The following GPHN variants were observed in gnomAD, a reference collection of about 807,000 sequenced individuals.
GPHN encodes gephyrin.
GPHN carries 17 observed loss-of-function variants against 95.5 expected under a neutral mutation model. That is an observed-to-expected ratio of 0.18 (90% CI 0.12 to 0.27). GPHN has a LOEUF of 0.27. GPHN is among the 10% of genes least tolerant of loss of function. GPHN has a pLI of 1.00. For synonymous variants in GPHN, 320 were observed against 322.5 expected (o/e 0.99, Z 0.08); for missense variants, 660 against 978.1 (o/e 0.67, Z 4.34).
At chr14:66,923,099 CT>C (rs1229204176) in intron 7 of GPHN, among the ~76,000 whole-genome samples, 161 bp downstream of exon 7, 1 of 152,138 alleles carries the variant, frequency 6.6e-6, no homozygotes, top group African/African-American at 2.4e-5. Flanking sequence ...ATGTTTCCTT[CT>C]TGATATAGAT....
intron 18 of GPHN, among the ~76,000 whole-genome samples, chr14:67,157,924 G>C (rs1002563602): frequency 4.6e-5 from 7 of 152,012 alleles, no homozygotes; most frequent in Non-Finnish European, 1.0e-4. Flanking sequence ...GAATGTAGAC[G>C]GAGAGAAAGA....
chr14:67,120,752 A>G (rs758984010), intron 16 of GPHN, among the ~76,000 whole-genome samples: 5 of 152,240 alleles, frequency 3.3e-5, no homozygotes, highest in Non-Finnish European at 5.9e-5. Context: ...AGATCAGAAA[A>G]TTAATCTATG....
At chr14:67,438,340 G>T in the GPHN span, among the ~76,000 whole-genome samples, 2 of 152,162 alleles carry the variant, frequency 1.3e-5, no homozygotes, top group Non-Finnish European at 2.9e-5. Flanking sequence ...AGCTGGTGTG[G>T]GCTTCTCAGT....
At chr14:66,983,577 T>G (rs1169945697) in intron 9 of GPHN, among the ~76,000 whole-genome samples, 1 of 152,198 alleles carries the variant, frequency 6.6e-6, no homozygotes, top group Non-Finnish European at 1.5e-5. Flanking sequence ...CTTTCTAAGG[T>G]TTTCCTCTTA....
the GPHN span, chr14:67,199,842 T>G: frequency 1.5e-5 from 23 of 1,497,368 alleles, no homozygotes; most frequent in South Asian, 2.9e-4. Flanking sequence ...CCCCCAGCCA[T>G]GCCCCACCAC....
At chr14:67,130,010 C>A (rs1193357197) in intron 17 of GPHN, among the ~76,000 whole-genome samples, 1 of 152,166 alleles carries the variant, frequency 6.6e-6, no homozygotes, top group Non-Finnish European at 1.5e-5. Flanking sequence ...ATTATAAATT[C>A]TTTTTCTTCA....
the GPHN span, chr14:67,583,734 A>T: frequency 6.2e-7 from 1 of 1,609,090 alleles, no homozygotes; most frequent in South Asian, 1.1e-5. Context: ...ATATGCTTCT[A>T]CCACAGGTAG....
chr14:67,401,288 G>A, the GPHN span, among the ~76,000 whole-genome samples: 1 of 151,862 alleles, frequency 6.6e-6, no homozygotes, highest in South Asian at 2.1e-4. Flanking sequence ...GGAGTTTGAG[G>A]CCAGCCTCAG....
At chr14:66,574,377 T>C (rs2060821237) in intron 1 of GPHN, among the ~76,000 whole-genome samples, 1 of 152,240 alleles carries the variant, frequency 6.6e-6, no homozygotes, top group Non-Finnish European at 1.5e-5. Context: ...ATTGTATCTA[T>C]GGTTATTTTA....
chr14:67,050,869 C>T, intron 10 of GPHN, among the ~76,000 whole-genome samples: 1 of 144,180 alleles, frequency 6.9e-6, no homozygotes, highest in East Asian at 2.0e-4. Flanking sequence ...CCAGGATCCA[C>T]ACAGGGGAAG....
the GPHN span, chr14:67,303,678 T>G: frequency 1.0e-6 from 1 of 976,696 alleles, no homozygotes; most frequent in African/African-American, 1.6e-5. Flanking sequence ...GTTACAGAAA[T>G]GTCACTGTTT....
intron 8 of GPHN, among the ~76,000 whole-genome samples, chr14:66,931,466 T>G (rs1022571832): frequency 1.8e-4 from 27 of 152,166 alleles, no homozygotes; most frequent in African/African-American, 6.0e-4. Context: ...TCTCTCTCTC[T>G]CTCTACCTTT....
chr14:67,582,969 T>G, the GPHN span, among the ~76,000 whole-genome samples: 1 of 152,326 alleles, frequency 6.6e-6, no homozygotes, highest in African/African-American at 2.4e-5. This position sits in a 1 kb window ranked among gnomAD's most constrained non-coding sequence, Gnocchi z 5.0. Flanking sequence ...ACCTTCTAAG[T>G]AGACTTAGGA....
chr14:66,897,038 C>CA, intron 5 of GPHN, among the ~76,000 whole-genome samples: 1 of 151,922 alleles, frequency 6.6e-6, no homozygotes, highest in African/African-American at 2.4e-5. Context: ...AGTAAATTTT[C>CA]AAAAAAATTT....
the GPHN span, among the ~76,000 whole-genome samples, chr14:67,535,483 C>T: frequency 5.4e-5 from 8 of 147,064 alleles, no homozygotes; most frequent in African/African-American, 1.8e-4. Flanking sequence ...AGGGTTCAAG[C>T]AGTTCACCTG....
chr14:66,913,076 T>A (rs1267480754), intron 5 of GPHN, among the ~76,000 whole-genome samples: 1 of 152,136 alleles, frequency 6.6e-6, no homozygotes, highest in Non-Finnish European at 1.5e-5. Context: ...ATAAGGGTGG[T>A]ATGGGACATT....
At chr14:66,839,302 A>G (rs2061983463) in intron 4 of GPHN, among the ~76,000 whole-genome samples, 1 of 152,246 alleles carries the variant, frequency 6.6e-6, no homozygotes. Context: ...ACAAAGAAAT[A>G]AATTATACTT....
chr14:66,803,280 C>T (rs2153478111), intron 3 of GPHN, among the ~76,000 whole-genome samples: 1 of 152,332 alleles, frequency 6.6e-6, no homozygotes, highest in African/African-American at 2.4e-5. Flanking sequence ...GTCTGCACCA[C>T]ACCTCCACTG....
At chr14:67,020,531 G>A (rs2073560320) in intron 9 of GPHN, among the ~76,000 whole-genome samples, 1 of 151,928 alleles carries the variant, frequency 6.6e-6, no homozygotes, top group Admixed American at 6.6e-5. Flanking sequence ...ATTTCCTAAT[G>A]GACGATGTGA....
Sources: allele counts gnomAD v4.1 joint callset (sites outside exome capture counted in the v4.1 genomes callset), GRCh38; gene constraint gnomAD v4.1.1; non-coding constraint Gnocchi (gnomAD v3.1); transcripts MANE v1.5; gene names NCBI Gene and HGNC (gene_info 2026-07-23, HGNC 2026-07-21).